MCF2L: variants seen among roughly 807,000 people sequenced by gnomAD.
MCF2L encodes guanine nucleotide exchange factor DBS.
A neutral mutation model predicts 153.4 loss-of-function variants in MCF2L; 97 were observed. The observed-to-expected ratio is 0.63, with a 90% CI of 0.54 to 0.75. The LOEUF (loss-of-function observed/expected upper bound fraction) is 0.75, where lower values mean the gene tolerates loss of function less well. Ranked by LOEUF, MCF2L falls within the 30% of genes least tolerant of loss-of-function variation. MCF2L has a pLI of 0.00. For missense variants in MCF2L, 1,347 were observed against 1,495.2 expected (o/e 0.90, Z 1.64); for synonymous variants, 659 against 632.2 (o/e 1.04, Z -0.64).
intron 8 of MCF2L, among the ~76,000 whole-genome samples, chr13:113,069,792 G>C (rs1322676070): frequency 6.6e-6 from 1 of 152,210 alleles, no homozygotes; most frequent in Non-Finnish European, 1.5e-5. Context: ...CGGCGGCTCA[G>C]CCTAGTCGCA....
In MCF2L at chr13:112,952,015, C is replaced by A. The variant is rs750519005; in HGVS notation, c.169+49644C>A. The stretch of plus-strand genomic sequence containing the variant: ...GGCTTTCCTTTTAGGGAATTATGAC[C>A]TTGACTGACTTAAAATCAATATTTG... On this transcript the variant is annotated intron_variant, in intron 2 of 29. Coordinates refer to the MCF2L transcript ENST00000375608. Among the ~76,000 whole-genome samples the A allele has an allele frequency of 6.6e-4, 101 of 152,224 alleles. 3 individuals carry two copies. The highest frequency in any genetic ancestry group is 2.4e-4 in the Non-Finnish European group (16 of 68,036).
Position 113,066,136 on chromosome 13 carries a change from C to T in MCF2L, c.847C>T (p.Gln283Ter). Residue 283 changes from glutamine to a stop codon, truncating the protein, a stop_gained, in exon 8 of 30, where the codon CAG (glutamine) becomes TAG (stop). Transcript: ENST00000535094. LOFTEE classifies it high-confidence loss of function. ...TGAGGGCTCAGAGCCCAGTGTGAACCAGGACCAGCTTGACAACCAGGCCAC... is the reference window on the plus strand; with the variant it reads ...TGAGGGCTCAGAGCCCAGTGTGAACTAGGACCAGCTTGACAACCAGGCCAC... ...QAEGSEPSVN[Q>*]DQLDNQATVQ... 1 of 1,612,996 alleles carries T rather than the reference C, an allele frequency of 6.2e-7. No individual in the cohort carries two copies. The highest frequency in any genetic ancestry group is 8.5e-7 in the Non-Finnish European group (1 of 1,179,894).
At chr13:113,065,324 G>A (rs995859491) in intron 7 of MCF2L, 15 of 537,630 alleles carry the variant, frequency 2.8e-5, no homozygotes, top group African/African-American at 7.6e-5. Flanking sequence ...TGCTGGCTGC[G>A]CCTGCCATTC....
intron 2 of MCF2L, among the ~76,000 whole-genome samples, chr13:112,935,985 G>A (rs1477996283): frequency 1.3e-5 from 2 of 152,138 alleles, no homozygotes; most frequent in East Asian, 3.9e-4. Flanking sequence ...AGCCTCAGAA[G>A]GACCCAGCCC....
At chr13:112,963,433 C>T (rs1044197284) in intron 2 of MCF2L, among the ~76,000 whole-genome samples, 5 of 152,164 alleles carry the variant, frequency 3.3e-5, no homozygotes, top group African/African-American at 4.8e-5. Flanking sequence ...GACTCCACAG[C>T]GCGGCATGGC....
chr13:113,000,787 C>T (rs1387241053), intron 1 of MCF2L, among the ~76,000 whole-genome samples: 2 of 152,222 alleles, frequency 1.3e-5, no homozygotes, highest in African/African-American at 4.8e-5. Flanking sequence ...AGTCAGTGCA[C>T]ATGTAAGGCT....
At position 113,088,709 on chromosome 13, in the gene MCF2L, T is replaced by C. The variant is rs1448476499; in HGVS notation, c.2834+81T>C. Reference sequence around the variant, plus strand: ...CATTTGCACGCCAGGGTCCTCGGCCTCTGTCAGTGGGACCCTGTGGTTATT... The same window carrying C: ...CATTTGCACGCCAGGGTCCTCGGCCCCTGTCAGTGGGACCCTGTGGTTATT... On this transcript the variant is annotated intron_variant, in intron 25 of 29. Transcript: ENST00000535094. 8.6e-6 allele frequency: 12 copies of C among 1,398,050 alleles called. No individual in the cohort carries two copies. The Admixed American group carries it at 1.4e-4, about 16-fold the overall frequency. The allele number at this position is 1,398,050 out of a possible 1,614,324, so 86.6% of individuals were successfully genotyped here.
At chr13:112,994,819 C>A (rs1277125706) in intron 1 of MCF2L, among the ~76,000 whole-genome samples, 1 of 152,224 alleles carries the variant, frequency 6.6e-6, no homozygotes. Flanking sequence ...GAAAGGCCAC[C>A]GAGGTTGGGG....
chr13:113,027,060 A>G lies in MCF2L; in HGVS notation c.278+2302A>G. The G allele has an allele frequency of 2.6e-6, 2 of 770,700 alleles. No individual in the cohort carries two copies. Among genetic ancestry groups the G allele is most frequent in the Non-Finnish European group, 4.8e-6 (2 of 416,150 alleles). The allele number at this position is 770,700 out of a possible 1,614,324, so 47.7% of individuals were successfully genotyped here. On this transcript the variant is annotated intron_variant, in intron 3 of 29. Transcript: ENST00000535094. The surrounding 1 kb of genome is among the most constrained non-coding windows in gnomAD (Gnocchi z 4.8). ...ACACACACCAAGTAAAAACAGAAAT[A>G]TCCTTAAATATGGCATCTGTATCCC... is the stretch of plus-strand genomic sequence containing the variant.
intron 1 of MCF2L, among the ~76,000 whole-genome samples, chr13:113,007,924 T>G (rs984760394): frequency 6.7e-6 from 1 of 149,948 alleles, no homozygotes; most frequent in African/African-American, 2.4e-5. Flanking sequence ...TTCTTTTTTT[T>G]TTTTTTTTTT....
chr13:113,000,917 T>C (rs1566713406), intron 1 of MCF2L, among the ~76,000 whole-genome samples: 1 of 152,046 alleles, frequency 6.6e-6, no homozygotes, highest in Non-Finnish European at 1.5e-5. Flanking sequence ...GCAGTGGGTG[T>C]GATATTCTCA....
intron 3 of MCF2L, among the ~76,000 whole-genome samples, chr13:113,029,666 C>T (rs1295197308): frequency 6.6e-6 from 1 of 152,208 alleles, no homozygotes; most frequent in African/African-American, 2.4e-5. Context: ...GCGGGGCTGC[C>T]CTCTGCTGGA....
chr13:112,978,250 C>T (rs989019441), intron 1 of MCF2L, among the ~76,000 whole-genome samples: 2 of 152,208 alleles, frequency 1.3e-5, no homozygotes, highest in South Asian at 4.1e-4. Flanking sequence ...GCTGAGACAT[C>T]GATCCCATCA....
At chr13:113,011,402 A>G (rs1396750888) in intron 1 of MCF2L, among the ~76,000 whole-genome samples, 1 of 152,264 alleles carries the variant, frequency 6.6e-6, no homozygotes, top group Non-Finnish European at 1.5e-5. Context: ...TAGACAGTGC[A>G]GTGCAGATGA....
intron 2 of MCF2L, among the ~76,000 whole-genome samples, chr13:112,936,478 G>A (rs905380612): frequency 6.6e-6 from 1 of 152,172 alleles, no homozygotes; most frequent in Admixed American, 6.5e-5. Flanking sequence ...AGCTTTGGGT[G>A]AAAGGCTTTG....
chr13:112,928,802 G>A (rs1310255695), intron 2 of MCF2L, among the ~76,000 whole-genome samples: 1 of 152,248 alleles, frequency 6.6e-6, no homozygotes, highest in Non-Finnish European at 1.5e-5. Context: ...CCCTGCAGGG[G>A]AGAGGGATGT....
intron 9 of MCF2L, among the ~76,000 whole-genome samples, chr13:113,073,361 G>A (rs749080744): frequency 6.6e-6 from 1 of 152,218 alleles, no homozygotes; most frequent in South Asian, 2.1e-4. Flanking sequence ...TTCTATATCC[G>A]AGCTAGTTTC....
chr13:112,946,118 A>G (rs1392531601), intron 2 of MCF2L, among the ~76,000 whole-genome samples: 1 of 152,242 alleles, frequency 6.6e-6, no homozygotes, highest in African/African-American at 2.4e-5. Flanking sequence ...TTGATAACTC[A>G]TGCTAAAATT....
chr13:112,981,058 G>A (rs2993284), intron 1 of MCF2L, among the ~76,000 whole-genome samples: 56,128 of 150,406 alleles, frequency 0.37, 10,448 homozygotes, highest in Middle Eastern at 0.44. Flanking sequence ...TGGGGACCCT[G>A]ACATGTCCCC....
Sources: gnomAD v4.1 joint callset for allele counts (sites outside exome capture counted in the v4.1 genomes callset) on GRCh38, gnomAD v4.1.1 for gene constraint, Gnocchi (gnomAD v3.1) non-coding constraint, MANE v1.5 for transcripts, NCBI Gene and HGNC (gene_info 2026-07-23, HGNC 2026-07-21) for gene names.